Variants in RNF215 observed in about 807,000 individuals in gnomAD.
RNF215 encodes the protein ring finger protein 215.
A neutral mutation model predicts 44.8 loss-of-function variants in RNF215; 41 were observed. The observed-to-expected ratio is 0.92, with a 90% confidence interval of 0.71 to 1.19. The LOEUF (loss-of-function observed/expected upper bound fraction) is 1.19. Among genes scored for constraint, RNF215 ranks in the 50% most tolerant of loss-of-function variants. The pLI, the probability that RNF215 is intolerant of heterozygous loss-of-function variation, is 0.00. For synonymous variants in RNF215, 218 were observed against 230.1 expected (o/e 0.95, Z 0.48); for missense variants, 452 against 496.2 (o/e 0.91, Z 0.85).
chr22:30,386,234 C>T lies in RNF215; in HGVS notation c.430-93G>A, dbSNP rs1933598371. 8 of 1,210,784 alleles carry T rather than the reference C, an allele frequency of 6.6e-6. No individual in the cohort carries two copies. The South Asian group carries it at 1.1e-4, about 16-fold the overall frequency. The allele number at this position is 1,210,784 out of a possible 1,614,324, so 75.0% of individuals were successfully genotyped here. A position where few individuals can be genotyped will look rare whatever the true frequency, so the allele number is the denominator to read the frequency against. On this transcript the variant is annotated intron_variant, in intron 2 of 8. Transcript: ENST00000382363. Reference sequence around the variant, plus strand: ...CCCTAGCTGCTCTTAGCTCCTGGCCCTGCAGTGAGCAAAACTCTGGACAGA... The same window carrying T: ...CCCTAGCTGCTCTTAGCTCCTGGCCTTGCAGTGAGCAAAACTCTGGACAGA...
intron 4 of RNF215, among the ~76,000 whole-genome samples, chr22:30,385,063 T>C (rs1933577360): frequency 6.6e-6 from 1 of 152,154 alleles, no homozygotes; most frequent in African/African-American, 2.4e-5. Flanking sequence ...TACTCCTTCT[T>C]TGGCTTACCA....
Position 30,387,388 on chromosome 22 carries a change from C to G in RNF215, c.-75G>C. The G allele has an allele frequency of 1.1e-6, 1 of 946,208 alleles. No homozygotes were observed. The highest frequency in any genetic ancestry group is 1.3e-6 in the Non-Finnish European group (1 of 790,828). 58.6% of individuals were successfully genotyped at this position (946,208 alleles called of 1,614,324 possible). On this transcript the variant is annotated 5_prime_UTR_variant, in exon 1 of 9. Coordinates refer to ENST00000382363, the MANE Select transcript of RNF215 (RefSeq NM_001017981.2). ...CGGGGGGGATCGGAGGGAGCGAGGC[C>G]GCTGCCGGACGGGGCGGGGCGCCGG...
Position 30,386,145 on chromosome 22 carries a change from C to T in RNF215, c.430-4G>A, listed in dbSNP as rs1189527053. 2 of 1,592,532 alleles carry T rather than the reference C, an allele frequency of 1.3e-6. No individual in the cohort carries two copies. The highest frequency in any genetic ancestry group is 1.8e-5 in the Admixed American group (1 of 56,110). ...CCAGGAAGAGGGCCCGCCGCATCTG[C>T]AGAGGGATAGAAGGCGAGAGGCTAG... is the stretch of plus-strand genomic sequence containing the variant. On this transcript the variant is annotated splice_region_variant and splice_polypyrimidine_tract_variant and intron_variant, in intron 2 of 8. Coordinates refer to ENST00000382363, the MANE Select transcript of RNF215 (RefSeq NM_001017981.2).
rs370301623 is a variant in RNF215, at chr22:30,385,960, T to C, written c.531A>G (p.Pro177=). 15 of 1,614,022 alleles carry C rather than the reference T, an allele frequency of 9.3e-6. No individual in the cohort carries two copies. Among genetic ancestry groups the C allele is most frequent in the African/African-American group, 2.7e-5 (2 of 74,906 alleles). The change falls in exon 4 of 9, where the codon CCA becomes CCG. Residue 177 remains proline (P), a synonymous_variant. Coordinates refer to ENST00000382363, the MANE Select transcript of RNF215 (RefSeq NM_001017981.2). ...ELDISQLLLR[P]VIVLHYSSNV... ...TGGAGGAATAATGGAGGACGATCAC[T>C]GGCCTGAGCAGAAGCTGGGATATGT...
intron 1 of RNF215, 36 bp downstream of exon 1, chr22:30,386,992 GT>G: frequency 6.5e-7 from 1 of 1,535,568 alleles, no homozygotes. Flanking sequence ...TGAGAGAGGG[GT>G]TTAGTGATGC....
chr22:30,386,831 G>A (rs1288257531), intron 1 of RNF215, 72 bp from the exon 2 acceptor site: 1 of 1,541,488 alleles, frequency 6.5e-7, no homozygotes, highest in African/African-American at 1.4e-5. Context: ...CATCACAGTG[G>A]ATGCCAAGGC....
At position 30,379,205 on chromosome 22, in the gene RNF215, G is replaced by C; in HGVS notation, c.*395C>G. On this transcript the variant is annotated 3_prime_UTR_variant, in exon 9 of 9. Coordinates refer to ENST00000382363, the MANE Select transcript of RNF215 (RefSeq NM_001017981.2). ...CCCCCAATAAATAAGCACAAAACCT[G>C]GCCACTGTAGTCTCAGCCCCCAGGA... is the stretch of plus-strand genomic sequence containing the variant. 4.3e-6 allele frequency: 1 copy of C among 231,698 alleles called. No homozygotes were observed. The highest frequency in any genetic ancestry group is 8.6e-6 in the Non-Finnish European group (1 of 116,134). The allele number at this position is 231,698 out of a possible 1,614,324, so 14.4% of individuals were successfully genotyped here. A position where few individuals can be genotyped will look rare whatever the true frequency, so the allele number is the denominator to read the frequency against.
At position 30,378,885 on chromosome 22, in the gene RNF215, A is replaced by ATT. The variant is rs1933476732; in HGVS notation, c.*714_*715insAA. 6.7e-6 allele frequency: 1 copy of ATT among 149,786 alleles called. No homozygotes were observed. The highest frequency in any genetic ancestry group is 1.5e-5 in the Non-Finnish European group (1 of 67,198). 9.3% of individuals were successfully genotyped at this position (149,786 alleles called of 1,614,324 possible). A position where few individuals can be genotyped will look rare whatever the true frequency, so the allele number is the denominator to read the frequency against. On this transcript the variant is annotated 3_prime_UTR_variant, in exon 9 of 9. Coordinates refer to ENST00000382363, the MANE Select transcript of RNF215 (RefSeq NM_001017981.2). ...CTTCCCTACTCCAACTCTTTAAAAA[A>ATT]AAAAAAAAAAAAAAAAAAGGATGCC...
rs879725164 is a variant in RNF215 at position 30,382,263 on chromosome 22, G to A, written c.745-1862C>T. Reference sequence around the variant, plus strand: ...CTAAAAATACAAAAAATTAGCCTGTGTGTGGTGGTGCATGCCTGTAGTCCC... The same window carrying A: ...CTAAAAATACAAAAAATTAGCCTGTATGTGGTGGTGCATGCCTGTAGTCCC... On this transcript the variant is annotated intron_variant, in intron 5 of 8. Coordinates refer to ENST00000382363, the MANE Select transcript of RNF215 (RefSeq NM_001017981.2). 3.3e-5 allele frequency among the ~76,000 whole-genome samples: 5 copies of A among 152,224 alleles called. No individual in the cohort carries two copies. The East Asian group carries it at 7.7e-4, about 24-fold the overall frequency.
chr22:30,382,438 C>T (rs1933542808), intron 5 of RNF215, among the ~76,000 whole-genome samples: 1 of 151,384 alleles, frequency 6.6e-6, no homozygotes, highest in African/African-American at 2.4e-5. Context: ...GGACAGAATA[C>T]CCTTGAATGC....
rs553612468 is a variant in RNF215 at position 30,383,837 on chromosome 22, G to C, written c.744+502C>G. On this transcript the variant is annotated intron_variant, in intron 5 of 8. Coordinates refer to ENST00000382363, the MANE Select transcript of RNF215 (RefSeq NM_001017981.2). ...GGGGACTTCAAGCTGGGGTGGGAGGGAGGCTTTCCAAAGAAACGTGGCAGG... is the reference window on the plus strand; with the variant it reads ...GGGGACTTCAAGCTGGGGTGGGAGGCAGGCTTTCCAAAGAAACGTGGCAGG... Among the ~76,000 whole-genome samples, 27 of 152,276 alleles carry C rather than the reference G, an allele frequency of 1.8e-4. 2 individuals are homozygous for C. The South Asian group carries it at 5.4e-3, about 30-fold the overall frequency.
intron 4 of RNF215, 22 bp from the exon 5 acceptor site, chr22:30,384,517 G>A: frequency 6.2e-7 from 1 of 1,609,016 alleles, no homozygotes; most frequent in Non-Finnish European, 8.5e-7. Flanking sequence ...AGTCACCGGG[G>A]CCAGATGGAA....
intron 4 of RNF215, among the ~76,000 whole-genome samples, chr22:30,385,352 G>A (rs1487958698): frequency 1.3e-5 from 2 of 151,276 alleles, no homozygotes; most frequent in African/African-American, 4.9e-5. Context: ...AACCCGGGAG[G>A]CAGAGCTTGC....
rs1404624728 is a variant in RNF215, at chr22:30,386,116, G to T, written c.455C>A (p.Ala152Asp). The T allele has an allele frequency of 1.3e-6, 2 of 1,596,960 alleles. No individual in the cohort carries two copies. Among genetic ancestry groups the T allele is most frequent in the African/African-American group, 2.7e-5 (2 of 74,570 alleles). ...CAGGATGAGAAGAAGCAGGGCAGAG[G>T]CACCCAGGAAGAGGGCCCGCCGCAT... ...QQMRRALFLG[A>D]SALLLLILNH... Residue 152 changes from alanine to aspartate, a missense_variant, in exon 3 of 9, where the codon GCC (alanine) becomes GAC (aspartate). Ala to Asp is a moderately radical substitution (Grantham distance 126). Coordinates refer to ENST00000382363, the MANE Select transcript of RNF215 (RefSeq NM_001017981.2).
At chr22:30,386,339 C>G (rs1345088609) in intron 2 of RNF215, among the ~76,000 whole-genome samples, 198 bp from the exon 3 acceptor site, 1 of 152,158 alleles carries the variant, frequency 6.6e-6, no homozygotes, top group Non-Finnish European at 1.5e-5. Context: ...GTGCCTTCCC[C>G]GGTCCTATCA....
chr22:30,385,995 G>A lies in RNF215; in HGVS notation c.502-6C>T. On this transcript the variant is annotated splice_region_variant and splice_polypyrimidine_tract_variant and intron_variant, in intron 3 of 8. Transcript: ENST00000382363. ...AGAAGCTGGGATATGTCCAGCTGCAGGGAGACAAGGAGGTCAGCAGGCCTG... is the reference window on the plus strand; with the variant it reads ...AGAAGCTGGGATATGTCCAGCTGCAAGGAGACAAGGAGGTCAGCAGGCCTG... 1 of 1,614,116 alleles carries A rather than the reference G, an allele frequency of 6.2e-7. No individual in the cohort carries two copies. Among genetic ancestry groups the A allele is most frequent in the Non-Finnish European group, 8.5e-7 (1 of 1,180,002 alleles).
At position 30,380,117 on chromosome 22, in the gene RNF215, G is replaced by C. The variant is rs139785680; in HGVS notation, c.953C>G (p.Pro318Arg). 0.017 allele frequency: 27,864 copies of C among 1,613,904 alleles called. 302 individuals are homozygous for C. The highest frequency in any genetic ancestry group is 0.02 in the Non-Finnish European group (23,944 of 1,179,976). Residue 318 changes from proline (P) to arginine (R), a missense_variant, in exon 7 of 9, where the codon CCA becomes CGA. Transcript: ENST00000382363. This position sits in a 1 kb window ranked among gnomAD's most constrained non-coding sequence, Gnocchi z 5.3. Reference protein sequence around the residue: ...CRLSRAAQGLPDPGAETCAVC... With the variant: ...CRLSRAAQGLRDPGAETCAVC... Reference sequence around the variant, plus strand: ...CGCACAGGTCTCAGCACCCGGATCTGGGAGGCCCTGCGCTGCCCTGCTCAG... The same window carrying C: ...CGCACAGGTCTCAGCACCCGGATCTCGGAGGCCCTGCGCTGCCCTGCTCAG...
At position 30,380,185 on chromosome 22, in the gene RNF215, G is replaced by A. The variant is rs765916525; in HGVS notation, c.885C>T (p.Arg295=). The A allele has an allele frequency of 5.6e-6, 9 of 1,613,770 alleles. No homozygotes were observed. The highest frequency in any genetic ancestry group is 4.4e-5 in the South Asian group (4 of 91,080). The change falls in exon 7 of 9, where the codon CGC becomes CGT. Residue 295 remains arginine (R), a synonymous_variant. Coordinates refer to ENST00000382363, the MANE Select transcript of RNF215 (RefSeq NM_001017981.2). The surrounding 1 kb of genome is among the most constrained non-coding windows in gnomAD (Gnocchi z 5.3). ...TGAGGGATGCCAGTCTCCGCACCAC[G>A]CGGCGCTTAAACAGGTCCACCTGTG... ...LGGQVDLFKR[R]VVRRLASLKT... is the part of the protein sequence containing the mutation.
At chr22:30,381,472 T>G (rs2145983182) in intron 5 of RNF215, among the ~76,000 whole-genome samples, 1 of 152,314 alleles carries the variant, frequency 6.6e-6, no homozygotes, top group Non-Finnish European at 1.5e-5. Flanking sequence ...GCGCTCTGAC[T>G]ACTCAACAGC....
Sources: allele counts gnomAD v4.1 joint callset (sites outside exome capture counted in the v4.1 genomes callset), GRCh38; gene constraint gnomAD v4.1.1; non-coding constraint Gnocchi (gnomAD v3.1); transcripts MANE v1.5; gene names NCBI Gene and HGNC (gene_info 2026-07-23, HGNC 2026-07-21).